The following RSRC1 variants were observed in gnomAD, a reference collection of about 807,000 sequenced individuals.
The protein encoded by RSRC1 is serine/Arginine-related protein 53.
A neutral mutation model predicts 49.1 loss-of-function variants in RSRC1; 39 were observed. The ratio of observed to expected loss-of-function variants is 0.79; its 90% CI spans 0.61 to 1.04. RSRC1 has a LOEUF of 1.04. RSRC1 is among the 50% of genes least tolerant of loss of function. RSRC1 has a pLI of 0.00. For synonymous variants in RSRC1, 143 were observed against 130.8 expected (o/e 1.09, Z -0.63); for missense variants, 388 against 402.4 (o/e 0.96, Z 0.31).
chr3:158,293,706 C>A (rs773806187), intron 4 of RSRC1, among the ~76,000 whole-genome samples: 1 of 151,954 alleles, frequency 6.6e-6, no homozygotes, highest in African/African-American at 2.4e-5. Context: ...TAAATGATGT[C>A]TTTGTGTGGT....
In RSRC1 at chr3:158,489,704, C is replaced by T. The variant is rs549081411; in HGVS notation, c.652+28701C>T. On this transcript the variant is annotated intron_variant, in intron 7 of 9. Transcript: ENST00000611884. Reference sequence around the variant, plus strand: ...AAATATTGTTGGTTGAGTTATTAACCTAGGGTCAAATGCAGTCATCCTTAA... The same window carrying T: ...AAATATTGTTGGTTGAGTTATTAACTTAGGGTCAAATGCAGTCATCCTTAA... 5.3e-5 allele frequency among the ~76,000 whole-genome samples: 8 copies of T among 151,598 alleles called. No individual in the cohort carries two copies. In the South Asian group the frequency reaches 1.7e-3, roughly 32 times the overall value.
chr3:158,529,214 G>GTGTGTATATATATATATCTATATATATA (rs374368016), intron 7 of RSRC1, among the ~76,000 whole-genome samples: 1 of 143,126 alleles, frequency 7.0e-6, no homozygotes, highest in African/African-American at 2.6e-5. Flanking sequence ...ATGTGTGTGT[G>GTGTGTATATATATATATCTATATATATA]TATATATATA....
chr3:158,424,846 G>A (rs1202669807), intron 6 of RSRC1, among the ~76,000 whole-genome samples: 2 of 152,098 alleles, frequency 1.3e-5, no homozygotes, highest in East Asian at 3.9e-4. Flanking sequence ...ATTTCTTCTA[G>A]ATTTTCTAGT....
At chr3:158,123,455 T>G (rs1355567422) in intron 2 of RSRC1, among the ~76,000 whole-genome samples, 1 of 152,200 alleles carries the variant, frequency 6.6e-6, no homozygotes, top group East Asian at 1.9e-4. Flanking sequence ...CATGCCTAGC[T>G]AAGTTTTTTT....
intron 4 of RSRC1, among the ~76,000 whole-genome samples, chr3:158,227,101 T>C (rs1390949873): frequency 6.6e-6 from 1 of 151,906 alleles, no homozygotes; most frequent in Non-Finnish European, 1.5e-5. Context: ...ACAAAAACCA[T>C]GGTAATATCT....
At chr3:158,514,334 T>C (rs1275515112) in intron 7 of RSRC1, among the ~76,000 whole-genome samples, 1 of 152,244 alleles carries the variant, frequency 6.6e-6, no homozygotes, top group Non-Finnish European at 1.5e-5. Context: ...TCTCGTTGAT[T>C]TCAAAGAACA....
intron 4 of RSRC1, among the ~76,000 whole-genome samples, chr3:158,217,002 G>C: frequency 6.6e-6 from 1 of 151,498 alleles, no homozygotes. Flanking sequence ...GTCTTAAGTA[G>C]GCCAGAACTA....
intron 6 of RSRC1, among the ~76,000 whole-genome samples, chr3:158,424,331 G>A (rs541273665): frequency 2.0e-5 from 3 of 152,050 alleles, no homozygotes; most frequent in African/African-American, 7.2e-5. Context: ...CATCTATTGA[G>A]ATAAACATGT....
At position 158,518,124 on chromosome 3, in the gene RSRC1, GTGTA is replaced by G. The variant is rs1162898911; in HGVS notation, c.653-18966_653-18963del. ...TGTGTGTGTGTGTGTGTGTGTGTGT[GTGTA>G]TATATATATATATATATATATTTTT... On this transcript the variant is annotated intron_variant, in intron 7 of 9. Coordinates refer to ENST00000611884, the MANE Select transcript of RSRC1 (RefSeq NM_001271838.2). Among the ~76,000 whole-genome samples, 484 of 53,102 alleles carry G rather than the reference GTGTA, an allele frequency of 9.1e-3. 9 individuals are homozygous for G. Among genetic ancestry groups the G allele is most frequent in the African/African-American group, 0.016 (221 of 13,476 alleles). 34.8% of individuals were successfully genotyped at this position (53,102 alleles called of 152,430 possible).
intron 7 of RSRC1, among the ~76,000 whole-genome samples, chr3:158,532,397 T>C (rs957264807): frequency 6.6e-6 from 1 of 151,928 alleles, no homozygotes; most frequent in African/African-American, 2.4e-5. Context: ...AAATTTTCTT[T>C]TCAAATGAAA....
Position 158,299,583 on chromosome 3 carries a change from G to A in RSRC1, c.531+1508G>A, listed in dbSNP as rs1449947384. On this transcript the variant is annotated intron_variant, in intron 5 of 9. Coordinates refer to ENST00000611884, the MANE Select transcript of RSRC1 (RefSeq NM_001271838.2). ...ACACCTGACCTCAGGTGATCCACCC[G>A]CCTCAGCCTCCCAAAATGCTGGAAT... Among the ~76,000 whole-genome samples the A allele has an allele frequency of 3.9e-5, 6 of 151,954 alleles. No homozygotes were observed. The South Asian group carries it at 6.2e-4, about 16-fold the overall frequency.
intron 4 of RSRC1, among the ~76,000 whole-genome samples, chr3:158,270,308 T>C (rs1388716501): frequency 2.0e-5 from 3 of 152,144 alleles, no homozygotes; most frequent in Admixed American, 6.5e-5. Flanking sequence ...ATCAAACATT[T>C]CTACCTCCCG....
intron 6 of RSRC1, among the ~76,000 whole-genome samples, chr3:158,457,926 A>G (rs1040727523): frequency 6.6e-6 from 1 of 152,094 alleles, no homozygotes; most frequent in Admixed American, 6.6e-5. Context: ...AGACTTTAAT[A>G]TATTTATAGT....
intron 7 of RSRC1, among the ~76,000 whole-genome samples, chr3:158,535,125 T>C (rs1022759257): frequency 4.0e-5 from 6 of 151,452 alleles, no homozygotes; most frequent in Non-Finnish European, 8.9e-5. Flanking sequence ...GTATATCAAA[T>C]TGATAGCATA....
chr3:158,513,688 A>G (rs1740319718), intron 7 of RSRC1, among the ~76,000 whole-genome samples: 1 of 152,206 alleles, frequency 6.6e-6, no homozygotes. Flanking sequence ...TTCAGAAGGA[A>G]TGGTACCTGT....
chr3:158,465,928 A>C (rs897516620), intron 7 of RSRC1, among the ~76,000 whole-genome samples: 21 of 152,200 alleles, frequency 1.4e-4, no homozygotes, highest in African/African-American at 4.1e-4. Flanking sequence ...GTTCTTATTT[A>C]GTAAAGAAAA....
intron 7 of RSRC1, among the ~76,000 whole-genome samples, chr3:158,475,445 A>G (rs769333319): frequency 6.6e-6 from 1 of 152,152 alleles, no homozygotes; most frequent in Non-Finnish European, 1.5e-5. Context: ...GTTTTTTTAC[A>G]GATTGAAGGT....
At chr3:158,283,881 CTTT>C (rs11339826) in intron 4 of RSRC1, among the ~76,000 whole-genome samples, 3 of 147,924 alleles carry the variant, frequency 2.0e-5, no homozygotes, top group African/African-American at 2.5e-5. Context: ...CATTTGTTTT[CTTT>C]TTTTTTTTTT....
chr3:158,388,150 A>G (rs1301537573), intron 6 of RSRC1, among the ~76,000 whole-genome samples: 1 of 151,692 alleles, frequency 6.6e-6, no homozygotes, highest in South Asian at 2.1e-4. Flanking sequence ...TTCTTTATTC[A>G]TTTGAATATA....
Sources: gnomAD v4.1 joint callset for allele counts (sites outside exome capture counted in the v4.1 genomes callset) on GRCh38, gnomAD v4.1.1 for gene constraint, MANE v1.5 for transcripts, NCBI Gene and HGNC (gene_info 2026-07-23, HGNC 2026-07-21) for gene names.